The following CNTNAP2 variants were observed in gnomAD, a reference collection of about 807,000 sequenced individuals.
CNTNAP2 encodes contactin-associated protein-like 2.
In CNTNAP2, 98 loss-of-function variants were observed where a neutral mutation model predicts 155.2. The observed-to-expected ratio is 0.63, with a 90% CI of 0.54 to 0.75. CNTNAP2 has a LOEUF of 0.75. Among genes scored for constraint, CNTNAP2 ranks in the 30% least tolerant of loss-of-function variants. CNTNAP2 has a pLI of 0.00. For synonymous variants in CNTNAP2, 651 were observed against 631.2 expected, an observed-to-expected ratio of 1.03 and a Z score of -0.47; for missense variants, 1,727 against 1,688.1, an observed-to-expected ratio of 1.02 and a Z score of -0.40.
chr7:147,812,014 T>C (rs1164545909), intron 13 of CNTNAP2, among the ~76,000 whole-genome samples: 1 of 151,956 alleles, frequency 6.6e-6, no homozygotes, highest in Non-Finnish European at 1.5e-5. Flanking sequence ...ATAATAGCAA[T>C]GTTAGGGGCG....
At chr7:147,687,965 G>T (rs1796037276) in intron 13 of CNTNAP2, among the ~76,000 whole-genome samples, 1 of 152,102 alleles carries the variant, frequency 6.6e-6, no homozygotes, top group Non-Finnish European at 1.5e-5. Context: ...TTTGCAAGGA[G>T]GACCTTCTTA....
chr7:147,410,577 G>A (rs1797086794), intron 10 of CNTNAP2, among the ~76,000 whole-genome samples: 1 of 152,140 alleles, frequency 6.6e-6, no homozygotes, highest in African/African-American at 2.4e-5. Context: ...AGAAATGCAG[G>A]TAGTGAGATA....
At chr7:147,987,174 A>G (rs1174732275) in intron 15 of CNTNAP2, among the ~76,000 whole-genome samples, 1 of 152,186 alleles carries the variant, frequency 6.6e-6, no homozygotes, top group Non-Finnish European at 1.5e-5. Context: ...AGGTCCAATT[A>G]CAAATGCTGT....
At chr7:146,660,863 C>T (rs1178402169) in intron 1 of CNTNAP2, among the ~76,000 whole-genome samples, 2 of 152,152 alleles carry the variant, frequency 1.3e-5, no homozygotes, top group African/African-American at 4.8e-5. Context: ...ACACCCAGTC[C>T]CTCAACCTTT....
chr7:147,476,062 T>C (rs769723341), intron 10 of CNTNAP2, among the ~76,000 whole-genome samples: 2 of 152,068 alleles, frequency 1.3e-5, no homozygotes, highest in Non-Finnish European at 2.9e-5. Context: ...AATTTCAGAA[T>C]ATAATATCCC....
intron 1 of CNTNAP2, among the ~76,000 whole-genome samples, chr7:146,614,562 G>T (rs1186069046): frequency 3.3e-5 from 5 of 152,122 alleles, no homozygotes; most frequent in Admixed American, 3.3e-4. Context: ...ATGTCTGCTG[G>T]GGATTCACCC....
At chr7:147,898,521 G>GA (rs1333175359) in intron 13 of CNTNAP2, among the ~76,000 whole-genome samples, 3 of 144,436 alleles carry the variant, frequency 2.1e-5, no homozygotes, top group African/African-American at 5.1e-5. Flanking sequence ...CATATACCCA[G>GA]ATTTTTTTTT....
chr7:146,922,228 G>A lies in CNTNAP2; in HGVS notation c.402+82324G>A, dbSNP rs1796516227. Among the ~76,000 whole-genome samples, 6 of 144,522 alleles carry A rather than the reference G, an allele frequency of 4.2e-5. No homozygotes were observed. In the South Asian group the frequency reaches 1.3e-3, roughly 31 times the overall value. 94.8% of individuals were successfully genotyped at this position (144,522 alleles called of 152,430 possible). A position where few individuals can be genotyped will look rare whatever the true frequency, so the allele number is the denominator to read the frequency against. On this transcript the variant is annotated intron_variant, in intron 3 of 23. Transcript: ENST00000361727. ...TTTCTGCCCTGTAATTCCTTCACAT[G>A]TTATATGCTATGGGCAAAGAAAACT...
At chr7:147,676,643 A>G (rs1584894163) in intron 13 of CNTNAP2, among the ~76,000 whole-genome samples, 2 of 151,816 alleles carry the variant, frequency 1.3e-5, no homozygotes, top group Non-Finnish European at 2.9e-5. Context: ...TCTTTGACCA[A>G]TATCTTCCCA....
In CNTNAP2 at chr7:147,743,430, G is replaced by A. The variant is rs374262464; in HGVS notation, c.2098+104124G>A. 9.2e-5 allele frequency among the ~76,000 whole-genome samples: 14 copies of A among 152,202 alleles called. No homozygotes were observed. The South Asian group carries it at 1.0e-3, about 11-fold the overall frequency. On this transcript the variant is annotated intron_variant, in intron 13 of 23. Coordinates refer to ENST00000361727, the MANE Select transcript of CNTNAP2 (RefSeq NM_014141.6). Reference sequence around the variant, plus strand: ...AGGGATTAGGTGAGGCTGTAAAACCGGATGCCCCAAAGCAAATTTGCTTTG... The same window carrying A: ...AGGGATTAGGTGAGGCTGTAAAACCAGATGCCCCAAAGCAAATTTGCTTTG...
intron 1 of CNTNAP2, among the ~76,000 whole-genome samples, chr7:146,448,961 C>T (rs1357414970): frequency 1.3e-5 from 2 of 152,044 alleles, no homozygotes; most frequent in African/African-American, 2.4e-5. Context: ...GACATGAATG[C>T]TAAATCTGTT....
At chr7:147,344,149 CT>C (rs1197987996) in intron 9 of CNTNAP2, among the ~76,000 whole-genome samples, 1 of 152,098 alleles carries the variant, frequency 6.6e-6, no homozygotes, top group Non-Finnish European at 1.5e-5. Flanking sequence ...AAGCCCATGT[CT>C]TTTCCACTGA....
intron 1 of CNTNAP2, among the ~76,000 whole-genome samples, chr7:146,298,854 C>T (rs970639354): frequency 1.3e-5 from 2 of 152,020 alleles, no homozygotes; most frequent in Non-Finnish European, 2.9e-5. Flanking sequence ...AAGAGCATGC[C>T]CTTGACAGTC....
chr7:148,363,939 G>T (rs1335668884), intron 21 of CNTNAP2, among the ~76,000 whole-genome samples: 2 of 152,124 alleles, frequency 1.3e-5, no homozygotes, highest in African/African-American at 4.8e-5. Context: ...GGCAATGGGG[G>T]ACTTAGCACC....
At chr7:147,561,612 T>G (rs1277628239) in intron 11 of CNTNAP2, among the ~76,000 whole-genome samples, 1 of 152,196 alleles carries the variant, frequency 6.6e-6, no homozygotes, top group African/African-American at 2.4e-5. Context: ...TCTCTTTCCT[T>G]TTTTTGAGAA....
chr7:147,176,799 T>A (rs896267379), intron 8 of CNTNAP2, among the ~76,000 whole-genome samples: 386 of 124,534 alleles, frequency 3.1e-3, no homozygotes, highest in Non-Finnish European at 4.5e-3. Context: ...TTATATATTA[T>A]AATATATAAT....
At chr7:148,123,585 C>T (rs1395966850) in intron 16 of CNTNAP2, among the ~76,000 whole-genome samples, 2 of 144,840 alleles carry the variant, frequency 1.4e-5, no homozygotes, top group African/African-American at 2.6e-5. Flanking sequence ...AGTGACAGAG[C>T]GAGACCTCGA....
At chr7:146,886,660 C>A (rs1177406207) in intron 3 of CNTNAP2, among the ~76,000 whole-genome samples, 1 of 151,464 alleles carries the variant, frequency 6.6e-6, no homozygotes, top group Non-Finnish European at 1.5e-5. Context: ...CATTAGTATT[C>A]TGTATGCTTA....
In CNTNAP2 at chr7:148,400,450, G is replaced by A. The variant is rs139390491; in HGVS notation, c.3716-8941G>A. On this transcript the variant is annotated intron_variant, in intron 22 of 23. Transcript: ENST00000361727. ...CCTGCAGCGGAAAGGAAAAGAAGCC[G>A]CGACAAACCTCAACGAAGAGCCGTA... Among the ~76,000 whole-genome samples, 543 of 152,236 alleles carry A rather than the reference G, an allele frequency of 3.6e-3. 4 individuals carry two copies. Among genetic ancestry groups the A allele is most frequent in the South Asian group, 0.012 (56 of 4,820 alleles).
Sources: allele counts gnomAD v4.1 joint callset (sites outside exome capture counted in the v4.1 genomes callset), GRCh38; gene constraint gnomAD v4.1.1; transcripts MANE v1.5; gene names NCBI Gene and HGNC (gene_info 2026-07-23, HGNC 2026-07-21).